FSTL4: variants seen among roughly 807,000 people sequenced by gnomAD.
FSTL4 encodes the protein follistatin like 4.
In FSTL4, 28 loss-of-function variants were observed where a neutral mutation model predicts 78.2. That is an observed-to-expected ratio of 0.36 (90% confidence interval 0.27 to 0.49). FSTL4 has a LOEUF of 0.49. Among genes scored for constraint, FSTL4 ranks in the 20% least tolerant of loss-of-function variants. The probability of loss-of-function intolerance (pLI) is 0.98; values close to 1 mark genes in which losing one functional copy is unlikely to be tolerated. For synonymous variants in FSTL4, 422 were observed against 440.5 expected, an observed-to-expected ratio of 0.96 and a Z score of 0.53; for missense variants, 922 against 1,084.9, an observed-to-expected ratio of 0.85 and a Z score of 2.11.
At chr5:133,819,888 G>A in the FSTL4 span, among the ~76,000 whole-genome samples, 1 of 152,166 alleles carries the variant, frequency 6.6e-6, no homozygotes, top group African/African-American at 2.4e-5. Context: ...CCTTGGAGAT[G>A]GGGCTGCTGC....
chr5:133,490,637 C>A (rs944754007), intron 3 of FSTL4, among the ~76,000 whole-genome samples: 5 of 152,098 alleles, frequency 3.3e-5, no homozygotes, highest in South Asian at 2.1e-4. Context: ...ATTCTCTGAT[C>A]CTTGAGTTAT....
At chr5:133,639,398 T>A in the FSTL4 span, among the ~76,000 whole-genome samples, 1 of 152,174 alleles carries the variant, frequency 6.6e-6, no homozygotes, top group African/African-American at 2.4e-5. Flanking sequence ...TGGACAGCCA[T>A]CAGGTTTTTC....
At chr5:133,268,808 T>G (rs931058609) in intron 6 of FSTL4, among the ~76,000 whole-genome samples, 3 of 152,200 alleles carry the variant, frequency 2.0e-5, no homozygotes, top group African/African-American at 7.2e-5. Context: ...TGCAGTATTA[T>G]CTAGTGAAAA....
At chr5:133,750,891 G>C in the FSTL4 span, among the ~76,000 whole-genome samples, 1 of 152,120 alleles carries the variant, frequency 6.6e-6, no homozygotes. Context: ...AAGGTCAGAA[G>C]TCTACAGCCC....
intron 3 of FSTL4, among the ~76,000 whole-genome samples, chr5:133,531,002 G>A (rs1195619853): frequency 6.6e-6 from 1 of 152,204 alleles, no homozygotes; most frequent in Non-Finnish European, 1.5e-5. Flanking sequence ...ACATGGGCCA[G>A]ACTCACATCT....
chr5:133,269,875 A>T (rs112142219), intron 6 of FSTL4, among the ~76,000 whole-genome samples: 48 of 152,302 alleles, frequency 3.2e-4, no homozygotes, highest in Middle Eastern at 6.8e-3. Flanking sequence ...CTTAGAGAGG[A>T]GGTCTCAAAT....
intron 6 of FSTL4, among the ~76,000 whole-genome samples, chr5:133,271,883 C>T (rs530589988): frequency 1.3e-5 from 2 of 152,284 alleles, no homozygotes; most frequent in Admixed American, 1.3e-4. Context: ...GGTGGCATGG[C>T]CAGTGGCAGA....
Position 133,592,398 on chromosome 5 carries a change from G to A in FSTL4, c.126+11460C>T, listed in dbSNP as rs558672696. Among the ~76,000 whole-genome samples, 6 of 152,324 alleles carry A rather than the reference G, an allele frequency of 3.9e-5. No homozygotes were observed. The East Asian group carries it at 1.2e-3, about 29-fold the overall frequency. Reference sequence around the variant, plus strand: ...CATCTTTACTTGTAACACAAGAACAGTCATTTTGAATAAATTCAGATTTAA... The same window carrying A: ...CATCTTTACTTGTAACACAAGAACAATCATTTTGAATAAATTCAGATTTAA... On this transcript the variant is annotated intron_variant, in intron 2 of 15. Coordinates refer to ENST00000265342, the MANE Select transcript of FSTL4 (RefSeq NM_015082.2).
chr5:133,474,128 T>C (rs1017125580), intron 3 of FSTL4, among the ~76,000 whole-genome samples: 3 of 152,114 alleles, frequency 2.0e-5, no homozygotes, highest in Non-Finnish European at 4.4e-5. Flanking sequence ...CACCTTAGGC[T>C]CATCTTCAGG....
At chr5:133,767,129 G>A in the FSTL4 span, among the ~76,000 whole-genome samples, 1 of 152,204 alleles carries the variant, frequency 6.6e-6, no homozygotes, top group Admixed American at 6.5e-5. Context: ...GGTAACTCCT[G>A]AAGGCTACCA....
chr5:133,809,321 G>C, the FSTL4 span, among the ~76,000 whole-genome samples: 1 of 140,922 alleles, frequency 7.1e-6, no homozygotes, highest in Non-Finnish European at 1.5e-5. Context: ...GGCAGAGATC[G>C]CACCACTGCA....
the FSTL4 span, among the ~76,000 whole-genome samples, chr5:133,642,191 G>C: frequency 6.6e-6 from 1 of 152,182 alleles, no homozygotes; most frequent in African/African-American, 2.4e-5. Flanking sequence ...GGCAAGAATA[G>C]TGCTTGAAAC....
intron 3 of FSTL4, chr5:133,458,454 C>A (rs913719544): frequency 2.0e-5 from 3 of 152,244 alleles, no homozygotes; most frequent in Admixed American, 6.5e-5. Flanking sequence ...CCTTCCTCCC[C>A]GTTCTCTGTC....
chr5:133,457,563 G>A (rs1479882996), intron 3 of FSTL4, among the ~76,000 whole-genome samples: 1 of 152,224 alleles, frequency 6.6e-6, no homozygotes, highest in Non-Finnish European at 1.5e-5. Flanking sequence ...GCCCTGAAGG[G>A]ATGCGAGTGA....
At chr5:133,461,825 C>A (rs770228592) in intron 3 of FSTL4, among the ~76,000 whole-genome samples, 1 of 152,104 alleles carries the variant, frequency 6.6e-6, no homozygotes, top group African/African-American at 2.4e-5. Context: ...CTTTACTCCC[C>A]CAACACATTT....
chr5:133,755,149 C>T, the FSTL4 span, among the ~76,000 whole-genome samples: 2 of 152,110 alleles, frequency 1.3e-5, no homozygotes, highest in Non-Finnish European at 2.9e-5. Context: ...CTCTACCCAT[C>T]ACTCCCTCCT....
At chr5:133,340,916 G>A (rs547109929) in intron 4 of FSTL4, among the ~76,000 whole-genome samples, 1 of 151,970 alleles carries the variant, frequency 6.6e-6, no homozygotes, top group Non-Finnish European at 1.5e-5. Context: ...AGCTAGAAGA[G>A]AGCCTCCTGA....
the FSTL4 span, among the ~76,000 whole-genome samples, chr5:133,696,117 G>A: frequency 6.6e-6 from 1 of 152,380 alleles, no homozygotes; most frequent in South Asian, 2.1e-4. Flanking sequence ...AAGTTGCAGA[G>A]TAGCCTTTTC....
chr5:133,751,635 C>T, the FSTL4 span, among the ~76,000 whole-genome samples: 74,354 of 151,982 alleles, frequency 0.49, 19,437 homozygotes, highest in East Asian at 0.86. Flanking sequence ...CAGCAAGAGG[C>T]GCAAATTCCG....
Sources: allele counts gnomAD v4.1 joint callset (sites outside exome capture counted in the v4.1 genomes callset), GRCh38; gene constraint gnomAD v4.1.1; transcripts MANE v1.5; gene names NCBI Gene and HGNC (gene_info 2026-07-23, HGNC 2026-07-21).